Variants in PDGFRB observed in about 807,000 individuals in gnomAD.
PDGFRB encodes platelet-derived growth factor receptor beta.
In PDGFRB, 42 loss-of-function variants were observed where a neutral mutation model predicts 120.2. The ratio of observed to expected loss-of-function variants is 0.35; its 90% CI spans 0.27 to 0.45. The LOEUF is 0.45. PDGFRB is among the 20% of genes least tolerant of loss of function. The pLI, the probability that PDGFRB is intolerant of heterozygous loss-of-function variation, is 1.00. For missense variants in PDGFRB, 1,149 were observed against 1,476.3 expected, an observed-to-expected ratio of 0.78 and a Z score of 3.63; for synonymous variants, 586 against 606.8, an observed-to-expected ratio of 0.97 and a Z score of 0.50.
Position 150,121,856 on chromosome 5 carries a change from T to C in PDGFRB, c.2344+24A>G, listed in dbSNP as rs775465788. 6.3e-7 allele frequency: 1 copy of C among 1,578,686 alleles called. No individual in the cohort carries two copies. Among genetic ancestry groups the C allele is most frequent in the Non-Finnish European group, 8.7e-7 (1 of 1,148,620 alleles). On this transcript the variant is annotated intron_variant, in intron 16 of 22. Transcript: ENST00000261799. This position sits in a 1 kb window ranked among gnomAD's most constrained non-coding sequence, Gnocchi z 4.1. ...AGCATCAGCCTGTTTGGATGTGGGG[T>C]ACTATGTCACTATGTCCACCCACCA...
In PDGFRB at chr5:150,123,253, T is replaced by C. The variant is rs751877193; in HGVS notation, c.2024-52A>G. ...TCCCTATGGAGGCCTCAGGCGTCCCTTCAAGGCCATGAGGCTAATCAGGGG... is the reference window on the plus strand; with the variant it reads ...TCCCTATGGAGGCCTCAGGCGTCCCCTCAAGGCCATGAGGCTAATCAGGGG... On this transcript the variant is annotated intron_variant, in intron 14 of 22. Transcript: ENST00000261799. 1.3e-4 allele frequency: 194 copies of C among 1,451,126 alleles called. 1 individual carries two copies. Among genetic ancestry groups the C allele is most frequent in the Non-Finnish European group, 1.5e-4 (154 of 1,041,604 alleles). 89.9% of individuals were successfully genotyped at this position (1,451,126 alleles called of 1,614,324 possible).
rs1454674536 is a variant in PDGFRB, at chr5:150,117,549, C to CAG, written c.3137+68_3137+69insCT. On this transcript the variant is annotated intron_variant, in intron 22 of 22. Coordinates refer to ENST00000261799, the MANE Select transcript of PDGFRB (RefSeq NM_002609.4). Reference sequence around the variant, plus strand: ...GGCAGCGCGCGCGCGCGCGCGCACACACACACACACACACACACACACACA... The same window carrying CAG: ...GGCAGCGCGCGCGCGCGCGCGCACACAGACACACACACACACACACACACACA... The CAG allele has an allele frequency of 4.3e-3, 2,392 of 552,968 alleles. 5 individuals carry two copies. Among genetic ancestry groups the CAG allele is most frequent in the Admixed American group, 5.7e-3 (169 of 29,694 alleles). 34.3% of individuals were successfully genotyped at this position (552,968 alleles called of 1,614,324 possible).
Position 150,132,844 on chromosome 5 carries a change from G to C in PDGFRB, c.1033C>G (p.Pro345Ala). Residue 345 changes from proline to alanine, a missense_variant, in exon 7 of 23, where the codon CCG becomes GCG. Pro to Ala is a conservative substitution (Grantham distance 27). Coordinates refer to ENST00000261799, the MANE Select transcript of PDGFRB (RefSeq NM_002609.4). This position sits in a 1 kb window ranked among gnomAD's most constrained non-coding sequence, Gnocchi z 5.0. ...TLQVVFEAYP[P>A]PTVLWFKDNR... Reference sequence around the variant, plus strand: ...TCTTTGAACCACAGGACAGTGGGCGGTGGGTAGGCCTCGAACACTACCTGC... The same window carrying C: ...TCTTTGAACCACAGGACAGTGGGCGCTGGGTAGGCCTCGAACACTACCTGC... 1 of 1,610,214 alleles carries C rather than the reference G, an allele frequency of 6.2e-7. No homozygotes were observed. Among genetic ancestry groups the C allele is most frequent in the Non-Finnish European group, 8.5e-7 (1 of 1,178,534 alleles).
At chr5:150,142,611 C>T (rs1001432123) in intron 1 of PDGFRB, among the ~76,000 whole-genome samples, 1 of 150,108 alleles carries the variant, frequency 6.7e-6, no homozygotes, top group Non-Finnish European at 1.5e-5. Flanking sequence ...GCTGTGACAC[C>T]CACTTATAGG....
rs572698557 is a variant in PDGFRB, at chr5:150,120,632, C to A, written c.2586+256G>T. ...ACTGGAACAACACATTCGGCCTGTT[C>A]CCCCTTCCCCCACCCTGGACCCATT... is the stretch of plus-strand genomic sequence containing the variant. On this transcript the variant is annotated intron_variant, in intron 18 of 22. Transcript: ENST00000261799. This position sits in a 1 kb window ranked among gnomAD's most constrained non-coding sequence, Gnocchi z 4.3. 7.2e-5 allele frequency among the ~76,000 whole-genome samples: 11 copies of A among 152,330 alleles called. No homozygotes were observed. The highest frequency in any genetic ancestry group is 1.9e-4 in the African/African-American group (8 of 41,570).
At position 150,155,802 on chromosome 5, in the gene PDGFRB, C is replaced by T. The variant is rs937300106; in HGVS notation, c.-412G>A. 2.8e-5 allele frequency: 11 copies of T among 397,506 alleles called. No homozygotes were observed. Among genetic ancestry groups the T allele is most frequent in the Non-Finnish European group, 4.0e-5 (9 of 225,806 alleles). The allele number at this position is 397,506 out of a possible 1,614,324, so 24.6% of individuals were successfully genotyped here. A position where few individuals can be genotyped will look rare whatever the true frequency, so the allele number is the denominator to read the frequency against. On this transcript the variant is annotated 5_prime_UTR_variant, in exon 1 of 23. Transcript: ENST00000261799. ...CTCTGGCTCCAAGTTGCTCACAGAGCGATCCTGGGTCCCAGATAGGGCGGG... is the reference window on the plus strand; with the variant it reads ...CTCTGGCTCCAAGTTGCTCACAGAGTGATCCTGGGTCCCAGATAGGGCGGG...
At chr5:150,134,314 C>A (rs1760561864) in intron 4 of PDGFRB, among the ~76,000 whole-genome samples, 1 of 152,188 alleles carries the variant, frequency 6.6e-6, no homozygotes, top group African/African-American at 2.4e-5. Flanking sequence ...GAGCACATAA[C>A]ATGTGCCAGG....
intron 3 of PDGFRB, 76 bp from the exon 4 acceptor site, chr5:150,135,092 C>T (rs748260665): frequency 6.6e-6 from 5 of 753,120 alleles, no homozygotes; most frequent in African/African-American, 3.5e-5. Context: ...TGTGGCAAGT[C>T]ATTTGCCATC....
intron 1 of PDGFRB, chr5:150,137,326 C>T (rs891967285): frequency 4.8e-6 from 2 of 412,850 alleles, no homozygotes; most frequent in Admixed American, 8.9e-5. Flanking sequence ...TCCCCAGACT[C>T]TCTCTGTGCC....
chr5:150,154,227 G>C (rs1265101281), intron 1 of PDGFRB, among the ~76,000 whole-genome samples: 4 of 152,118 alleles, frequency 2.6e-5, no homozygotes, highest in African/African-American at 9.7e-5. Context: ...TTCCAGAAAG[G>C]GGGAAGAGGG....
In PDGFRB at chr5:150,129,744, G is replaced by A. The variant is rs1480220733; in HGVS notation, c.1579+13C>T. 6.2e-7 allele frequency: 1 copy of A among 1,602,890 alleles called. No homozygotes were observed. Among genetic ancestry groups the A allele is most frequent in the South Asian group, 1.1e-5 (1 of 90,826 alleles). On this transcript the variant is annotated intron_variant, in intron 10 of 22. Coordinates refer to ENST00000261799, the MANE Select transcript of PDGFRB (RefSeq NM_002609.4). ...ATTGGGATCGTCAGGGGCCACTGAG[G>A]CTGGGGACTCACAGTGTGGCACCAC...
intron 1 of PDGFRB, among the ~76,000 whole-genome samples, chr5:150,138,744 C>A (rs910547912): frequency 1.3e-5 from 2 of 152,218 alleles, no homozygotes; most frequent in African/African-American, 4.8e-5. Context: ...AGCGCCAAGG[C>A]GGAGCCAGCA....
Position 150,133,981 on chromosome 5 carries a change from G to A in PDGFRB, c.659C>T (p.Ala220Val). The A allele has an allele frequency of 6.2e-7, 1 of 1,614,062 alleles. No individual in the cohort carries two copies. The highest frequency in any genetic ancestry group is 2.2e-5 in the East Asian group (1 of 44,882). ...QVSSINVSVN[A>V]VQTVVRQGEN... ...ACCCTGGCGGACCACAGTCTGCACT[G>A]CGTTCACAGAGACGTTGATGGATGA... The change falls in exon 5 of 23, where the codon GCA becomes GTA. Residue 220 changes from alanine (A) to valine (V), a missense_variant. By Grantham distance (64) the Ala-to-Val change is moderately conservative. Coordinates refer to ENST00000261799, the MANE Select transcript of PDGFRB (RefSeq NM_002609.4).
chr5:150,126,989 C>G (rs552933202), intron 10 of PDGFRB, among the ~76,000 whole-genome samples: 182 of 152,346 alleles, frequency 1.2e-3, no homozygotes, highest in African/African-American at 3.4e-3. Flanking sequence ...TGTGGCTTAC[C>G]TCTCCTCTGA....
chr5:150,116,815 C>T (rs1032505198), intron 22 of PDGFRB, among the ~76,000 whole-genome samples: 4 of 152,118 alleles, frequency 2.6e-5, no homozygotes, highest in African/African-American at 9.7e-5. Context: ...CAATGAGGGC[C>T]TTCGGAGCCT....
Position 150,145,692 on chromosome 5 carries a change from A to G in PDGFRB, c.-6-8639T>C, listed in dbSNP as rs17708616. ...AGGAGGCAAAGATAAGGAGCCCCGC[A>G]AAAAGGACAGCCCAGTACCTGGCAC... On this transcript the variant is annotated intron_variant, in intron 1 of 22. Transcript: ENST00000261799. Among the ~76,000 whole-genome samples, 1,287 of 152,278 alleles carry G rather than the reference A, an allele frequency of 8.5e-3. 45 individuals are homozygous for G. Among genetic ancestry groups the G allele is most frequent in the South Asian group, 0.056 (270 of 4,822 alleles).
intron 1 of PDGFRB, among the ~76,000 whole-genome samples, chr5:150,152,146 A>G (rs557689129): frequency 5.6e-4 from 85 of 152,040 alleles, no homozygotes; most frequent in African/African-American, 1.9e-3. Context: ...ACCTCGGGTG[A>G]TCCACCCGCC....
intron 10 of PDGFRB, among the ~76,000 whole-genome samples, chr5:150,128,666 C>T (rs1285118635): frequency 6.6e-6 from 1 of 152,252 alleles, no homozygotes; most frequent in African/African-American, 2.4e-5. Context: ...CCTTACCAGG[C>T]TAACTTCTAG....
chr5:150,124,955 A>T, intron 12 of PDGFRB, 124 bp from the exon 13 acceptor site: 1 of 589,176 alleles, frequency 1.7e-6, no homozygotes, highest in Non-Finnish European at 3.0e-6. Context: ...GTGAGGGGAA[A>T]GAGCCACTCT....
Sources: allele counts gnomAD v4.1 joint callset (sites outside exome capture counted in the v4.1 genomes callset), GRCh38; gene constraint gnomAD v4.1.1; non-coding constraint Gnocchi (gnomAD v3.1); transcripts MANE v1.5; gene names NCBI Gene and HGNC (gene_info 2026-07-23, HGNC 2026-07-21).